BEGAIN: variants seen among roughly 807,000 people sequenced by gnomAD.
BEGAIN encodes the protein brain-enriched guanylate kinase-associated protein.
BEGAIN carries 19 observed loss-of-function variants against 35.8 expected under a neutral mutation model. The ratio of observed to expected loss-of-function variants is 0.53; its 90% confidence interval spans 0.37 to 0.78. BEGAIN has a LOEUF of 0.78. Among genes scored for constraint, BEGAIN ranks in the 30% least tolerant of loss-of-function variants. The pLI is 0.00. For synonymous variants in BEGAIN, 462 were observed against 388.6 expected, an observed-to-expected ratio of 1.19 and a Z score of -2.22; for missense variants, 795 against 853.6, an observed-to-expected ratio of 0.93 and a Z score of 0.85.
rs1395320516 is a variant in BEGAIN, at chr14:100,544,994, C to T, written c.300+6G>A. 1 of 1,611,350 alleles carries T rather than the reference C, an allele frequency of 6.2e-7. No individual in the cohort carries two copies. The highest frequency in any genetic ancestry group is 2.2e-5 in the East Asian group (1 of 44,866). Reference sequence around the variant, plus strand: ...TGGGGGAGTGGGCGCTGCGTGGCGGCCTCACCATGCGGTACAGCTTGTCCT... The same window carrying T: ...TGGGGGAGTGGGCGCTGCGTGGCGGTCTCACCATGCGGTACAGCTTGTCCT... On this transcript the variant is annotated splice_donor_region_variant and intron_variant, in intron 4 of 6. Coordinates refer to ENST00000554140, the MANE Select transcript of BEGAIN (RefSeq NM_001385089.1).
At chr14:100,561,111 C>T (rs60307965) in intron 2 of BEGAIN, among the ~76,000 whole-genome samples, 42,613 of 152,074 alleles carry the variant, frequency 0.28, 6,253 homozygotes, top group African/African-American at 0.35. Context: ...ATCGCCTCCT[C>T]TGAAACACCC....
In BEGAIN at chr14:100,546,485, T is replaced by C. The variant is rs1595114972; in HGVS notation, c.233+16A>G. 1 of 1,337,506 alleles carries C rather than the reference T, an allele frequency of 7.5e-7. No individual in the cohort carries two copies. Among genetic ancestry groups the C allele is most frequent in the South Asian group, 1.4e-5 (1 of 70,208 alleles). The allele number at this position is 1,337,506 out of a possible 1,614,324, so 82.9% of individuals were successfully genotyped here. On this transcript the variant is annotated intron_variant, in intron 3 of 6. Coordinates refer to ENST00000554140, the MANE Select transcript of BEGAIN (RefSeq NM_001385089.1). ...CCCGGCCCTCGCCCCGCCCCGGCCC[T>C]CGCCCCGCCCCTCACCTGCGCAGCT...
At chr14:100,543,787 A>C in intron 5 of BEGAIN, 71 bp downstream of exon 5, 1 of 1,207,682 alleles carries the variant, frequency 8.3e-7, no homozygotes, top group Non-Finnish European at 1.2e-6. Context: ...TGTGACTCCC[A>C]GTGCATCCTG....
At position 100,568,600 on chromosome 14, in the gene BEGAIN, C is replaced by A; in HGVS notation, c.43-661G>T. On this transcript the variant is annotated intron_variant, in intron 1 of 6. Coordinates refer to ENST00000554140, the MANE Select transcript of BEGAIN (RefSeq NM_001385089.1). The surrounding 1 kb of genome is among the most constrained non-coding windows in gnomAD (Gnocchi z 7.5). The stretch of plus-strand genomic sequence containing the variant: ...CCGGCGGGGCTCCCTGCCTTGCTTG[C>A]GCAGACCCGCCCGCGCGCGGCTTGG... 1 of 1,077,658 alleles carries A rather than the reference C, an allele frequency of 9.3e-7. No homozygotes were observed. The highest frequency in any genetic ancestry group is 1.4e-5 in the South Asian group (1 of 70,010). The allele number at this position is 1,077,658 out of a possible 1,614,324, so 66.8% of individuals were successfully genotyped here.
rs528645915 is a variant in BEGAIN, at chr14:100,571,989, C to G, written c.43-4050G>C. Among the ~76,000 whole-genome samples, 87 of 152,320 alleles carry G rather than the reference C, an allele frequency of 5.7e-4. No homozygotes were observed. In the South Asian group the frequency reaches 7.9e-3, roughly 14 times the overall value. On this transcript the variant is annotated intron_variant, in intron 1 of 6. Transcript: ENST00000554140. ...GTGTCCAGGGCCTGGCATGGAAGCC[C>G]TGCGGTGAGCAGGTGGTGTTGGCCT... is the stretch of plus-strand genomic sequence containing the variant.
Position 100,586,846 on chromosome 14 carries a change from C to A in BEGAIN, c.42+403G>T, listed in dbSNP as rs1178295137. ...AGCAGGGGCTGGCCCTGCCCCCAGA[C>A]GCAGGCGGGTCCAGGCCTGCCCGCA... On this transcript the variant is annotated intron_variant, in intron 1 of 6. Coordinates refer to ENST00000554140, the MANE Select transcript of BEGAIN (RefSeq NM_001385089.1). This position sits in a 1 kb window ranked among gnomAD's most constrained non-coding sequence, Gnocchi z 4.9. 6.6e-6 allele frequency among the ~76,000 whole-genome samples: 1 copy of A among 152,146 alleles called. No individual in the cohort carries two copies. The highest frequency in any genetic ancestry group is 2.4e-5 in the African/African-American group (1 of 41,442).
chr14:100,582,614 C>G lies in BEGAIN; in HGVS notation c.42+4635G>C, dbSNP rs1223509875. On this transcript the variant is annotated intron_variant, in intron 1 of 6. Transcript: ENST00000554140. Reference sequence around the variant, plus strand: ...GTCTCCCAGTCCCCAGCACCCAACACAGGTGCCCCAGTTCTCTTCCTCAGA... The same window carrying G: ...GTCTCCCAGTCCCCAGCACCCAACAGAGGTGCCCCAGTTCTCTTCCTCAGA... Among the ~76,000 whole-genome samples the G allele has an allele frequency of 2.6e-5, 4 of 152,302 alleles. No homozygotes were observed. The East Asian group carries it at 7.7e-4, about 29-fold the overall frequency.
Position 100,563,134 on chromosome 14 carries a change from A to T in BEGAIN, c.71+4777T>A, listed in dbSNP as rs2034418073. Reference sequence around the variant, plus strand: ...GGACATCAGCCTGGCACTTCTGCAGAGTGTCTCAGCCTGGACAAGTGTCCG... The same window carrying T: ...GGACATCAGCCTGGCACTTCTGCAGTGTGTCTCAGCCTGGACAAGTGTCCG... On this transcript the variant is annotated intron_variant, in intron 2 of 6. Coordinates refer to ENST00000554140, the MANE Select transcript of BEGAIN (RefSeq NM_001385089.1). This position sits in a 1 kb window ranked among gnomAD's most constrained non-coding sequence, Gnocchi z 4.2. 6.6e-6 allele frequency among the ~76,000 whole-genome samples: 1 copy of T among 152,236 alleles called. No individual in the cohort carries two copies. The highest frequency in any genetic ancestry group is 1.5e-5 in the Non-Finnish European group (1 of 68,038).
intron 2 of BEGAIN, among the ~76,000 whole-genome samples, chr14:100,555,539 T>G (rs1177446402): frequency 6.6e-6 from 1 of 151,982 alleles, no homozygotes; most frequent in Non-Finnish European, 1.5e-5. Context: ...GAAAGGGAGG[T>G]GTGTACCCCA....
At chr14:100,583,692 C>CCTTTTTTTT in intron 1 of BEGAIN, among the ~76,000 whole-genome samples, 1 of 108,980 alleles carries the variant, frequency 9.2e-6, no homozygotes, top group Non-Finnish European at 1.8e-5. Context: ...GTTTTTCTTC[C>CCTTTTTTTT]TTTTTTTTTT....
intron 3 of BEGAIN, chr14:100,545,549 G>T: frequency 3.5e-6 from 2 of 573,106 alleles, no homozygotes; most frequent in Non-Finnish European, 4.4e-6. Context: ...GAGTGGAGCT[G>T]AGTGTCAGGT....
Position 100,586,481 on chromosome 14 carries a change from C to T in BEGAIN, c.42+768G>A, listed in dbSNP as rs565537596. On this transcript the variant is annotated intron_variant, in intron 1 of 6. Transcript: ENST00000554140. This position sits in a 1 kb window ranked among gnomAD's most constrained non-coding sequence, Gnocchi z 4.9. ...CAGCGCGTCGCCCACGCTGTTCCTG[C>T]CCTGAGGAAACCACATTGGGGATGG... Among the ~76,000 whole-genome samples, 69 of 152,142 alleles carry T rather than the reference C, an allele frequency of 4.5e-4. No individual in the cohort carries two copies. Among genetic ancestry groups the T allele is most frequent in the Non-Finnish European group, 8.5e-4 (58 of 68,006 alleles).
chr14:100,587,389 C>G lies in BEGAIN; in HGVS notation c.-99G>C, dbSNP rs2035469798. On this transcript the variant is annotated 5_prime_UTR_variant, in exon 1 of 7. Transcript: ENST00000554140. Reference sequence around the variant, plus strand: ...CGGGAGCCGGCGCGGCCGGGGCTCCCCCACCCCGCCCGGCTTCCCGCAGGG... The same window carrying G: ...CGGGAGCCGGCGCGGCCGGGGCTCCGCCACCCCGCCCGGCTTCCCGCAGGG... 6.9e-6 allele frequency: 1 copy of G among 145,762 alleles called. No individual in the cohort carries two copies. Among genetic ancestry groups the G allele is most frequent in the Admixed American group, 6.8e-5 (1 of 14,662 alleles). The allele number at this position is 145,762 out of a possible 1,614,324, so 9.0% of individuals were successfully genotyped here.
chr14:100,558,892 C>T lies in BEGAIN; in HGVS notation c.71+9019G>A, dbSNP rs1317491548. Among the ~76,000 whole-genome samples the T allele has an allele frequency of 6.6e-6, 1 of 152,172 alleles. No individual in the cohort carries two copies. Among genetic ancestry groups the T allele is most frequent in the African/African-American group, 2.4e-5 (1 of 41,440 alleles). Reference sequence around the variant, plus strand: ...CAGACCCATCCTTGGGGAGGTGGGCCATCGTGTGCAGGACACACAGCTGGG... The same window carrying T: ...CAGACCCATCCTTGGGGAGGTGGGCTATCGTGTGCAGGACACACAGCTGGG... On this transcript the variant is annotated intron_variant, in intron 2 of 6. Coordinates refer to ENST00000554140, the MANE Select transcript of BEGAIN (RefSeq NM_001385089.1). The surrounding 1 kb of genome is among the most constrained non-coding windows in gnomAD (Gnocchi z 4.6).
intron 1 of BEGAIN, among the ~76,000 whole-genome samples, chr14:100,581,773 C>G (rs572445201): frequency 6.6e-6 from 1 of 152,258 alleles, no homozygotes; most frequent in Admixed American, 6.5e-5. Context: ...CTGGCACACA[C>G]TGCCCCTGTG....
intron 6 of BEGAIN, chr14:100,540,271 A>G: frequency 3.6e-6 from 2 of 559,462 alleles, no homozygotes; most frequent in South Asian, 2.3e-5. Context: ...GGGGTGGGCC[A>G]AAGGGACTCT....
At chr14:100,582,956 G>A (rs1270287451) in intron 1 of BEGAIN, among the ~76,000 whole-genome samples, 3 of 151,390 alleles carry the variant, frequency 2.0e-5, no homozygotes, top group Non-Finnish European at 2.9e-5. Context: ...TGGCATCTGG[G>A]AAATCAAGGC....
rs550883000 is a variant in BEGAIN at position 100,567,204 on chromosome 14, C to T, written c.71+707G>A. On this transcript the variant is annotated intron_variant, in intron 2 of 6. Coordinates refer to ENST00000554140, the MANE Select transcript of BEGAIN (RefSeq NM_001385089.1). This position sits in a 1 kb window ranked among gnomAD's most constrained non-coding sequence, Gnocchi z 5.1. ...GGAGGGGTGTTCCCAAAGTAGGGGT[C>T]AGGGTGCCAGGGGAAGTCGTGGAGG... is the stretch of plus-strand genomic sequence containing the variant. Among the ~76,000 whole-genome samples, 3 of 152,314 alleles carry T rather than the reference C, an allele frequency of 2.0e-5. No homozygotes were observed. The highest frequency in any genetic ancestry group is 7.2e-5 in the African/African-American group (3 of 41,584).
intron 3 of BEGAIN, 114 bp downstream of exon 3, chr14:100,546,387 C>G (rs1468082716): frequency 1.5e-5 from 1 of 67,244 alleles, no homozygotes; most frequent in African/African-American, 7.6e-5. Context: ...CGGCCCTCGC[C>G]CCGCCCCGGC....
Sources: gnomAD v4.1 joint callset for allele counts (sites outside exome capture counted in the v4.1 genomes callset) on GRCh38, gnomAD v4.1.1 for gene constraint, Gnocchi (gnomAD v3.1) non-coding constraint, MANE v1.5 for transcripts, NCBI Gene and HGNC (gene_info 2026-07-23, HGNC 2026-07-21) for gene names.